Variants in DPYD observed in about 807,000 individuals in gnomAD.
DPYD encodes dihydropyrimidine dehydrogenase [NADP(+)].
A neutral mutation model predicts 116.2 loss-of-function variants in DPYD; 109 were observed. That is an observed-to-expected ratio of 0.94 (90% CI 0.80 to 1.10). The LOEUF (loss-of-function observed/expected upper bound fraction) is 1.10, where lower values mean the gene tolerates loss of function less well. DPYD is among the 50% of genes least tolerant of loss of function. The pLI is 0.00. For synonymous variants in DPYD, 440 were observed against 432.0 expected, an observed-to-expected ratio of 1.02 and a Z score of -0.23; for missense variants, 1,302 against 1,254.5, an observed-to-expected ratio of 1.04 and a Z score of -0.57.
chr1:97,323,345 CATGTGTATATGTACACGTATGTATACAT>C (rs1558029670), intron 16 of DPYD, among the ~76,000 whole-genome samples: 7 of 22,606 alleles, frequency 3.1e-4, no homozygotes, highest in African/African-American at 8.7e-4. Context: ...CGTATATATA[CATGTGTATATGTACACGTATGTATACAT>C]GTGTATATGT....
At chr1:97,831,115 G>C (rs1669519675) in intron 2 of DPYD, among the ~76,000 whole-genome samples, 1 of 152,186 alleles carries the variant, frequency 6.6e-6, no homozygotes, top group Non-Finnish European at 1.5e-5. Flanking sequence ...AAATACTTCT[G>C]TATACAGAAA....
At chr1:97,608,443 A>G (rs1036628173) in intron 8 of DPYD, among the ~76,000 whole-genome samples, 2 of 151,890 alleles carry the variant, frequency 1.3e-5, no homozygotes, top group Admixed American at 6.6e-5. Context: ...TCACCCTACC[A>G]CAGATTTTCT....
intron 13 of DPYD, among the ~76,000 whole-genome samples, chr1:97,510,216 C>A (rs886810870): frequency 4.0e-5 from 6 of 151,852 alleles, no homozygotes; most frequent in African/African-American, 1.5e-4. Flanking sequence ...ATTAGGACAT[C>A]CTTACCAAGG....
chr1:97,738,806 G>A (rs1664102338), intron 4 of DPYD, among the ~76,000 whole-genome samples: 1 of 151,598 alleles, frequency 6.6e-6, no homozygotes, highest in African/African-American at 2.4e-5. Context: ...CGTTCCATTA[G>A]GTAAAGAATA....
chr1:97,744,773 A>C (rs945651443), intron 3 of DPYD, among the ~76,000 whole-genome samples: 19 of 152,060 alleles, frequency 1.2e-4, no homozygotes, highest in Admixed American at 2.6e-4. Context: ...AGGAAAATAC[A>C]TAATTTAATA....
chr1:97,430,786 T>G (rs952535224), intron 14 of DPYD, among the ~76,000 whole-genome samples: 1 of 152,174 alleles, frequency 6.6e-6, no homozygotes, highest in African/African-American at 2.4e-5. Context: ...GAAGTATGAT[T>G]ATCCTTCCCC....
At chr1:97,763,939 G>T (rs1249618526) in intron 3 of DPYD, among the ~76,000 whole-genome samples, 3 of 151,996 alleles carry the variant, frequency 2.0e-5, no homozygotes, top group Non-Finnish European at 4.4e-5. Context: ...TTCCAGTCAG[G>T]TCACAATTGT....
intron 2 of DPYD, among the ~76,000 whole-genome samples, chr1:97,857,547 CAG>C (rs906222605): frequency 5.3e-5 from 8 of 152,124 alleles, no homozygotes; most frequent in African/African-American, 1.9e-4. Flanking sequence ...CGAGAGGATT[CAG>C]AGAGCTTCTA....
chr1:97,254,512 A>C (rs1331330203), intron 18 of DPYD, among the ~76,000 whole-genome samples: 1 of 152,144 alleles, frequency 6.6e-6, no homozygotes, highest in Non-Finnish European at 1.5e-5. Context: ...TGTACCATCA[A>C]ATTACCTATC....
At chr1:97,850,914 C>T (rs1203874439) in intron 2 of DPYD, among the ~76,000 whole-genome samples, 2 of 151,876 alleles carry the variant, frequency 1.3e-5, no homozygotes, top group African/African-American at 2.4e-5. Flanking sequence ...ATATTATCTC[C>T]CATGATTCCT....
At chr1:97,212,192 A>T (rs1660076846) in intron 19 of DPYD, among the ~76,000 whole-genome samples, 1 of 152,098 alleles carries the variant, frequency 6.6e-6, no homozygotes, top group South Asian at 2.1e-4. Context: ...ATTACCCAAA[A>T]GTTTTCTTGC....
intron 10 of DPYD, among the ~76,000 whole-genome samples, chr1:97,574,509 A>G (rs1161199469): frequency 6.6e-6 from 1 of 152,130 alleles, no homozygotes; most frequent in Non-Finnish European, 1.5e-5. Context: ...CCCTTTATAA[A>G]ACCACAGAAG....
At chr1:97,592,779 A>C (rs1377893590) in intron 10 of DPYD, among the ~76,000 whole-genome samples, 1 of 152,226 alleles carries the variant, frequency 6.6e-6, no homozygotes, top group Non-Finnish European at 1.5e-5. Flanking sequence ...ACAAATAATG[A>C]ACTGACTGAA....
intron 20 of DPYD, among the ~76,000 whole-genome samples, chr1:97,167,852 C>A (rs79909586): frequency 0.013 from 1,934 of 152,200 alleles, 44 homozygotes; most frequent in African/African-American, 0.045. Context: ...AAAGAGCCTG[C>A]ATTTTAAAGT....
intron 16 of DPYD, among the ~76,000 whole-genome samples, chr1:97,306,521 T>C (rs919926119): frequency 1.2e-4 from 18 of 151,944 alleles, no homozygotes; most frequent in Non-Finnish European, 1.6e-4. Context: ...AAAGGTTAAA[T>C]TCCTCAACAG....
intron 16 of DPYD, among the ~76,000 whole-genome samples, chr1:97,310,240 AG>A (rs1667423686): frequency 2.6e-5 from 4 of 151,772 alleles, no homozygotes; most frequent in Non-Finnish European, 5.9e-5. Flanking sequence ...ACATGCCAAG[AG>A]GTGGCTAGAA....
rs913321430 is a variant in DPYD, at chr1:97,602,168, T to A, written c.851-7002A>T. ...TTATTATATCATTTTGAAAATCTGA[T>A]ACATGCTGAATTTCTCTTTGTATTT... On this transcript the variant is annotated intron_variant, in intron 8 of 22. Transcript: ENST00000370192. Among the ~76,000 whole-genome samples, 11 of 152,018 alleles carry A rather than the reference T, an allele frequency of 7.2e-5. 1 individual carries two copies. The highest frequency in any genetic ancestry group is 2.4e-4 in the African/African-American group (10 of 41,444).
At chr1:97,877,170 C>T (rs1272525032) in intron 2 of DPYD, among the ~76,000 whole-genome samples, 1 of 151,914 alleles carries the variant, frequency 6.6e-6, no homozygotes, top group East Asian at 1.9e-4. Flanking sequence ...GTCATCTTTT[C>T]AAGAATGGCT....
intron 2 of DPYD, among the ~76,000 whole-genome samples, chr1:97,829,322 T>C (rs1440173854): frequency 6.6e-6 from 1 of 152,012 alleles, no homozygotes; most frequent in Non-Finnish European, 1.5e-5. Context: ...AACCTTGATA[T>C]TTTTTAAAAC....
Sources: allele counts gnomAD v4.1 joint callset (sites outside exome capture counted in the v4.1 genomes callset), GRCh38; gene constraint gnomAD v4.1.1; transcripts MANE v1.5; gene names NCBI Gene and HGNC (gene_info 2026-07-23, HGNC 2026-07-21).